The following SKAP2 variants were observed in gnomAD, a reference collection of about 807,000 sequenced individuals.
SKAP2 encodes src kinase-associated phosphoprotein 2.
A neutral mutation model predicts 54.9 loss-of-function variants in SKAP2; 28 were observed. The ratio of observed to expected loss-of-function variants is 0.51; its 90% CI spans 0.38 to 0.70. SKAP2 has a LOEUF of 0.70. Ranked by LOEUF, SKAP2 falls within the 30% of genes least tolerant of loss-of-function variation. The pLI is 0.00. For synonymous variants in SKAP2, 137 were observed against 134.3 expected (o/e 1.02, Z -0.14); for missense variants, 356 against 424.1 (o/e 0.84, Z 1.41).
chr7:26,676,711 C>T (rs1003836871), intron 11 of SKAP2, among the ~76,000 whole-genome samples: 3 of 152,164 alleles, frequency 2.0e-5, no homozygotes, highest in African/African-American at 7.2e-5. Flanking sequence ...GACACAGTGT[C>T]TACCTCAAGA....
chr7:26,713,511 A>G (rs934715228), intron 9 of SKAP2, among the ~76,000 whole-genome samples: 4 of 152,242 alleles, frequency 2.6e-5, no homozygotes, highest in African/African-American at 9.6e-5. Flanking sequence ...AGGAAAGGAT[A>G]GACTGGAAAA....
intron 4 of SKAP2, among the ~76,000 whole-genome samples, chr7:26,810,706 A>C (rs1478580479): frequency 6.6e-6 from 1 of 152,172 alleles, no homozygotes; most frequent in Non-Finnish European, 1.5e-5. Flanking sequence ...TCTTTGAGAC[A>C]CAGTCTCACT....
intron 4 of SKAP2, among the ~76,000 whole-genome samples, chr7:26,786,153 T>A (rs180928526): frequency 7.9e-4 from 120 of 152,330 alleles, no homozygotes; most frequent in Admixed American, 4.3e-3. Context: ...CTATACAAAC[T>A]ATTTGGTAAT....
At position 26,746,160 on chromosome 7, in the gene SKAP2, T is replaced by C. The variant is rs1004196369; in HGVS notation, c.308-6196A>G. 2.6e-5 allele frequency among the ~76,000 whole-genome samples: 4 copies of C among 152,220 alleles called. No homozygotes were observed. The East Asian group carries it at 7.7e-4, about 29-fold the overall frequency. ...TCCACTATCTTAGTGACATTTTTGG[T>C]TGAAGGGTACATTTAGTACTTAGCT... is the stretch of plus-strand genomic sequence containing the variant. On this transcript the variant is annotated intron_variant, in intron 4 of 12. Transcript: ENST00000345317.
chr7:26,861,451 G>C (rs892325694), intron 1 of SKAP2, among the ~76,000 whole-genome samples: 2 of 151,978 alleles, frequency 1.3e-5, no homozygotes, highest in African/African-American at 4.8e-5. Flanking sequence ...ACGAAATTCT[G>C]TAAGTCCTTT....
intron 4 of SKAP2, among the ~76,000 whole-genome samples, chr7:26,822,427 G>A (rs1305693697): frequency 6.6e-6 from 1 of 151,720 alleles, no homozygotes; most frequent in East Asian, 1.9e-4. Flanking sequence ...ATTGTTTTGG[G>A]GCACTATGAT....
At position 26,669,403 on chromosome 7, in the gene SKAP2, T is replaced by C. The variant is rs1440808063; in HGVS notation, c.*263A>G. On this transcript the variant is annotated 3_prime_UTR_variant, in exon 13 of 13. Transcript: ENST00000345317. ...TGATGAATTCTTCACACAAATCAAA[T>C]GGGTAAATAAAAACTATAATTATTT... 2.6e-5 allele frequency: 4 copies of C among 152,130 alleles called. No homozygotes were observed. The highest frequency in any genetic ancestry group is 9.7e-5 in the African/African-American group (4 of 41,444). 9.4% of individuals were successfully genotyped at this position (152,130 alleles called of 1,614,324 possible).
At chr7:26,740,768 T>C (rs1782425156) in intron 4 of SKAP2, among the ~76,000 whole-genome samples, 1 of 152,010 alleles carries the variant, frequency 6.6e-6, no homozygotes, top group South Asian at 2.1e-4. Context: ...GGTGGATCAC[T>C]TGAGGACAGG....
chr7:26,792,383 AG>A (rs900652844), intron 4 of SKAP2, among the ~76,000 whole-genome samples: 24 of 152,252 alleles, frequency 1.6e-4, no homozygotes, highest in African/African-American at 5.3e-4. Context: ...AAAAACAAAA[AG>A]GACAGTGAGA....
At chr7:26,851,425 CAG>C (rs1785040467) in intron 3 of SKAP2, among the ~76,000 whole-genome samples, 1 of 152,014 alleles carries the variant, frequency 6.6e-6, no homozygotes, top group Admixed American at 6.5e-5. Context: ...GCCTGAGACG[CAG>C]AGTGAGAGAC....
At chr7:26,715,868 A>G (rs985866840) in intron 9 of SKAP2, among the ~76,000 whole-genome samples, 12 of 152,222 alleles carry the variant, frequency 7.9e-5, no homozygotes, top group African/African-American at 2.7e-4. Flanking sequence ...GGAAAACTAC[A>G]TATTTTGTCA....
At chr7:26,769,436 C>T (rs1310837283) in intron 4 of SKAP2, among the ~76,000 whole-genome samples, 2 of 152,118 alleles carry the variant, frequency 1.3e-5, no homozygotes, top group African/African-American at 4.8e-5. Context: ...TTATTACCCA[C>T]CTTCTGAAGC....
Position 26,718,022 on chromosome 7 carries a change from T to TATAC in SKAP2, c.796+7402_796+7405dup, listed in dbSNP as rs755874393. The stretch of plus-strand genomic sequence containing the variant: ...TCATGCGATGAGGATATTATATATA[T>TATAC]ATACATACATACATACATACATACA... On this transcript the variant is annotated intron_variant, in intron 9 of 12. Transcript: ENST00000345317. Among the ~76,000 whole-genome samples, 903 of 151,838 alleles carry TATAC rather than the reference T, an allele frequency of 5.9e-3. 7 individuals carry two copies. The highest frequency in any genetic ancestry group is 0.012 in the African/African-American group (517 of 41,432).
intron 4 of SKAP2, among the ~76,000 whole-genome samples, chr7:26,800,179 C>A (rs1783883339): frequency 6.6e-6 from 1 of 151,834 alleles, no homozygotes; most frequent in African/African-American, 2.4e-5. Flanking sequence ...TCTTCTCTGA[C>A]CACAATGGAA....
chr7:26,769,747 C>T (rs1783143076), intron 4 of SKAP2, among the ~76,000 whole-genome samples: 1 of 152,196 alleles, frequency 6.6e-6, no homozygotes, highest in African/African-American at 2.4e-5. Context: ...TGGGGGTCTA[C>T]TCCAGACCCT....
intron 4 of SKAP2, among the ~76,000 whole-genome samples, chr7:26,839,260 G>A (rs1198591418): frequency 6.6e-6 from 1 of 151,958 alleles, no homozygotes; most frequent in Non-Finnish European, 1.5e-5. Context: ...TATATACCTT[G>A]AGGATTAAAA....
intron 9 of SKAP2, among the ~76,000 whole-genome samples, chr7:26,692,756 A>G (rs1786812326): frequency 1.3e-5 from 2 of 152,234 alleles, no homozygotes; most frequent in South Asian, 4.1e-4. Context: ...TAGCTTTAAT[A>G]AATGGGTTAA....
chr7:26,686,760 AG>A (rs1015647377), intron 10 of SKAP2, among the ~76,000 whole-genome samples: 2 of 152,156 alleles, frequency 1.3e-5, no homozygotes, highest in African/African-American at 4.8e-5. Context: ...TTTAAAAGTC[AG>A]GGAATTAGAG....
the SKAP2 span, among the ~76,000 whole-genome samples, chr7:26,660,189 C>A: frequency 1.8e-4 from 27 of 152,102 alleles, 1 homozygote; most frequent in South Asian, 4.4e-3. Flanking sequence ...CTATACTAAT[C>A]TTTAATATGC....
Sources: gnomAD v4.1 joint callset for allele counts (sites outside exome capture counted in the v4.1 genomes callset) on GRCh38, gnomAD v4.1.1 for gene constraint, MANE v1.5 for transcripts, NCBI Gene and HGNC (gene_info 2026-07-23, HGNC 2026-07-21) for gene names.